Variants in RAD51B observed in about 807,000 individuals in gnomAD.
RAD51B encodes the protein RAD51 paralog B.
In RAD51B, 38 loss-of-function variants were observed where a neutral mutation model predicts 42.2. That is an observed-to-expected ratio of 0.90 (90% CI 0.70 to 1.18). RAD51B has a LOEUF of 1.18. Among genes scored for constraint, RAD51B ranks in the 50% most tolerant of loss-of-function variants. The pLI is 0.00. For synonymous variants in RAD51B, 154 were observed against 145.2 expected, an observed-to-expected ratio of 1.06 and a Z score of -0.43; for missense variants, 373 against 400.7, an observed-to-expected ratio of 0.93 and a Z score of 0.59.
intron 7 of RAD51B, among the ~76,000 whole-genome samples, chr14:68,049,644 A>G (rs747975805): frequency 6.6e-6 from 1 of 152,096 alleles, no homozygotes; most frequent in Non-Finnish European, 1.5e-5. Flanking sequence ...AGACTTTGAG[A>G]TTTTGTTGTA....
At chr14:67,949,081 A>G (rs2074393528) in intron 7 of RAD51B, among the ~76,000 whole-genome samples, 1 of 151,854 alleles carries the variant, frequency 6.6e-6, no homozygotes, top group Non-Finnish European at 1.5e-5. Context: ...ATAGCTGCTG[A>G]CTGATCAGGG....
intron 10 of RAD51B, among the ~76,000 whole-genome samples, chr14:68,579,388 A>G (rs1890112010): frequency 6.6e-6 from 1 of 152,224 alleles, no homozygotes; most frequent in African/African-American, 2.4e-5. Context: ...TAGGTGCACC[A>G]GATCAAAGGC....
At chr14:67,864,832 T>G in intron 4 of RAD51B, 171 bp from the exon 5 acceptor site, 1 of 1,100,264 alleles carries the variant, frequency 9.1e-7, no homozygotes, top group South Asian at 1.3e-5. Context: ...GGGGAGAAGT[T>G]AATTCATTCC....
intron 8 of RAD51B, among the ~76,000 whole-genome samples, chr14:68,394,463 T>A (rs1220072011): frequency 2.6e-5 from 4 of 152,164 alleles, no homozygotes; most frequent in Non-Finnish European, 5.9e-5. Flanking sequence ...CCTCTGAAAC[T>A]GACTCTTGGA....
intron 8 of RAD51B, chr14:68,338,909 C>G: frequency 3.1e-6 from 2 of 654,064 alleles, no homozygotes; most frequent in Admixed American, 1.9e-5. Context: ...CCGAGTTAAC[C>G]TTTGTGAAGA....
At chr14:67,930,875 T>C (rs979121998) in intron 7 of RAD51B, among the ~76,000 whole-genome samples, 12 of 152,126 alleles carry the variant, frequency 7.9e-5, no homozygotes, top group Admixed American at 5.9e-4. Context: ...CATTCTTTTT[T>C]ATTCTTTATT....
intron 7 of RAD51B, among the ~76,000 whole-genome samples, chr14:68,088,225 G>A (rs2077030730): frequency 6.6e-6 from 1 of 150,760 alleles, no homozygotes; most frequent in Non-Finnish European, 1.5e-5. Flanking sequence ...TTACAGTCCT[G>A]GCCCTACTAA....
chr14:68,213,603 A>G (rs189488408), intron 7 of RAD51B, among the ~76,000 whole-genome samples: 167 of 152,330 alleles, frequency 1.1e-3, no homozygotes, highest in African/African-American at 3.8e-3. Flanking sequence ...ATGTGATTCA[A>G]TACTAACGTA....
At chr14:68,652,488 G>A (rs1370221433) in intron 11 of RAD51B, among the ~76,000 whole-genome samples, 2 of 152,252 alleles carry the variant, frequency 1.3e-5, no homozygotes, top group Non-Finnish European at 2.9e-5. Flanking sequence ...CTAGAGAAGA[G>A]GCAGAGGTGC....
At chr14:67,891,855 A>G (rs2043229165) in intron 7 of RAD51B, among the ~76,000 whole-genome samples, 1 of 152,160 alleles carries the variant, frequency 6.6e-6, no homozygotes, top group Non-Finnish European at 1.5e-5. Context: ...AAGAGGAAAA[A>G]GAATGTATGT....
At chr14:68,610,159 C>T (rs1465230709) in intron 10 of RAD51B, among the ~76,000 whole-genome samples, 1 of 152,182 alleles carries the variant, frequency 6.6e-6, no homozygotes, top group Non-Finnish European at 1.5e-5. Context: ...CAAACCTCTC[C>T]TTGAGGCTGT....
chr14:68,593,210 C>T (rs1022350099), intron 10 of RAD51B, among the ~76,000 whole-genome samples: 2 of 152,216 alleles, frequency 1.3e-5, no homozygotes, highest in African/African-American at 2.4e-5. Flanking sequence ...GCTGTGAGAC[C>T]GTGGGCAAGT....
intron 7 of RAD51B, among the ~76,000 whole-genome samples, chr14:67,903,148 G>A (rs947187769): frequency 2.0e-5 from 3 of 152,072 alleles, no homozygotes; most frequent in Non-Finnish European, 2.9e-5. Flanking sequence ...GTGAGCCACC[G>A]CGCCTGGCCT....
At chr14:67,903,974 G>A (rs775059299) in intron 7 of RAD51B, among the ~76,000 whole-genome samples, 1 of 151,224 alleles carries the variant, frequency 6.6e-6, no homozygotes, top group Non-Finnish European at 1.5e-5. Flanking sequence ...ACTCAGTGTT[G>A]AGCTTCTACT....
At chr14:68,424,952 T>A (rs1422973409) in intron 9 of RAD51B, among the ~76,000 whole-genome samples, 4 of 152,162 alleles carry the variant, frequency 2.6e-5, no homozygotes, top group Non-Finnish European at 4.4e-5. Context: ...TTTTAAAATT[T>A]TATGTAGAGA....
At chr14:67,980,908 T>A (rs981208579) in intron 7 of RAD51B, among the ~76,000 whole-genome samples, 2 of 152,138 alleles carry the variant, frequency 1.3e-5, no homozygotes, top group Non-Finnish European at 2.9e-5. Context: ...AATTTAAAAT[T>A]TCTGCTCTTG....
At chr14:68,392,656 T>G (rs2083791968) in intron 8 of RAD51B, among the ~76,000 whole-genome samples, 1 of 152,142 alleles carries the variant, frequency 6.6e-6, no homozygotes, top group Admixed American at 6.5e-5. Context: ...CTTTTGAAAC[T>G]CTCACTTCAC....
chr14:68,200,284 G>T (rs1302016562), intron 7 of RAD51B, among the ~76,000 whole-genome samples: 2 of 152,178 alleles, frequency 1.3e-5, no homozygotes, highest in Admixed American at 1.3e-4. Context: ...GCAAATGGTG[G>T]CTTTGATTTG....
chr14:68,521,336 G>A (rs868762779), intron 10 of RAD51B, among the ~76,000 whole-genome samples: 1 of 152,202 alleles, frequency 6.6e-6, no homozygotes, highest in Non-Finnish European at 1.5e-5. Context: ...GAGCCAGGCA[G>A]GCTGTCTGCA....
Sources: allele counts gnomAD v4.1 joint callset (sites outside exome capture counted in the v4.1 genomes callset), GRCh38; gene constraint gnomAD v4.1.1; transcripts MANE v1.5; gene names NCBI Gene and HGNC (gene_info 2026-07-23, HGNC 2026-07-21).